Variants in GINS1 observed in about 807,000 individuals in gnomAD.
GINS1 encodes GINS complex subunit 1, also known as DNA replication complex GINS protein PSF1.
GINS1 carries 26 observed loss-of-function variants against 34.9 expected under a neutral mutation model. That is an observed-to-expected ratio of 0.74 (90% CI 0.55 to 1.03). The LOEUF is 1.03. GINS1 is among the 50% of genes least tolerant of loss of function. The pLI is 0.00. For synonymous variants in GINS1, 97 were observed against 84.4 expected, an observed-to-expected ratio of 1.15 and a Z score of -0.82; for missense variants, 235 against 237.9, an observed-to-expected ratio of 0.99 and a Z score of 0.08.
At chr20:25,439,994 CAA>C (rs34429395) in intron 5 of GINS1, among the ~76,000 whole-genome samples, 114 of 124,628 alleles carry the variant, frequency 9.1e-4, no homozygotes, top group East Asian at 2.0e-3. Context: ...GACTCTGTCT[CAA>C]AAAAAAAAAA....
At chr20:25,441,671 T>C (rs746790334) in intron 5 of GINS1, 31 bp from the exon 6 acceptor site, 10 of 1,132,770 alleles carry the variant, frequency 8.8e-6, no homozygotes, top group Admixed American at 4.3e-5. Context: ...AAAACTAATT[T>C]AGATAAAACA....
At chr20:25,421,835 C>T (rs559368589) in intron 4 of GINS1, among the ~76,000 whole-genome samples, 45 of 152,230 alleles carry the variant, frequency 3.0e-4, no homozygotes, top group Middle Eastern at 3.4e-3. Flanking sequence ...ACTTCATCTT[C>T]TCTTTGGGGT....
chr20:25,437,265 A>G (rs1000352907), intron 5 of GINS1, among the ~76,000 whole-genome samples: 1 of 152,234 alleles, frequency 6.6e-6, no homozygotes, highest in African/African-American at 2.4e-5. Flanking sequence ...AGGTGTGACA[A>G]AAATGTCTGC....
chr20:25,428,529 G>A (rs914036117), intron 5 of GINS1, among the ~76,000 whole-genome samples: 12 of 145,826 alleles, frequency 8.2e-5, no homozygotes, highest in Non-Finnish European at 1.5e-4. Context: ...TCAGCCTCCC[G>A]AGTAGCTGGG....
At chr20:25,422,808 C>T (rs552243233) in intron 4 of GINS1, among the ~76,000 whole-genome samples, 3 of 152,212 alleles carry the variant, frequency 2.0e-5, no homozygotes, top group East Asian at 1.9e-4. Context: ...GAGTTTTTTG[C>T]TCTTGTTGCC....
At chr20:25,415,849 A>T (rs1600921155) in intron 2 of GINS1, among the ~76,000 whole-genome samples, 1 of 152,288 alleles carries the variant, frequency 6.6e-6, no homozygotes, top group African/African-American at 2.4e-5. Context: ...TAAATTGAGG[A>T]ATCAGGGAAC....
intron 4 of GINS1, among the ~76,000 whole-genome samples, chr20:25,424,549 C>A (rs2090379534): frequency 6.6e-6 from 1 of 152,146 alleles, no homozygotes; most frequent in African/African-American, 2.4e-5. Context: ...AGTTGTTGTG[C>A]ATCCAATACC....
At position 25,409,049 on chromosome 20, in the gene GINS1, G is replaced by A. The variant is rs1172738085; in HGVS notation, c.75+1154G>A. On this transcript the variant is annotated intron_variant, in intron 1 of 6. Coordinates refer to ENST00000262460, the MANE Select transcript of GINS1 (RefSeq NM_021067.5). The stretch of plus-strand genomic sequence containing the variant: ...GATATATGAGCCTTTCCATCCTCAA[G>A]GATGAGGTTACTGATCTGAGAAGGA... 15 of 984,344 alleles carry A rather than the reference G, an allele frequency of 1.5e-5. No individual in the cohort carries two copies. In the African/African-American group the frequency reaches 2.3e-4, roughly 15 times the overall value. The allele number at this position is 984,344 out of a possible 1,614,324, so 61.0% of individuals were successfully genotyped here. A position where few individuals can be genotyped will look rare whatever the true frequency, so the allele number is the denominator to read the frequency against.
In GINS1 at chr20:25,447,595, T is replaced by G. The variant is rs1314083151; in HGVS notation, c.*1604T>G. The G allele has an allele frequency of 6.6e-6, 1 of 152,228 alleles. No individual in the cohort carries two copies. Among genetic ancestry groups the G allele is most frequent in the East Asian group, 1.9e-4 (1 of 5,196 alleles). The allele number at this position is 152,228 out of a possible 1,614,324, so 9.4% of individuals were successfully genotyped here. A position where few individuals can be genotyped will look rare whatever the true frequency, so the allele number is the denominator to read the frequency against. ...TTTGTATGTAGTGTATGTAATTTTC[T>G]AATAATTCTTGAAACAGATAGTATT... On this transcript the variant is annotated 3_prime_UTR_variant, in exon 7 of 7. Coordinates refer to ENST00000262460, the MANE Select transcript of GINS1 (RefSeq NM_021067.5).
chr20:25,429,557 A>G (rs1002468722), intron 5 of GINS1, among the ~76,000 whole-genome samples: 17 of 151,974 alleles, frequency 1.1e-4, no homozygotes, highest in South Asian at 4.2e-4. Context: ...TTTAATTTCT[A>G]TATATTTTAT....
chr20:25,415,239 G>A (rs2090312955), intron 2 of GINS1, among the ~76,000 whole-genome samples: 1 of 152,206 alleles, frequency 6.6e-6, no homozygotes, highest in South Asian at 2.1e-4. Context: ...GTGGACTGAG[G>A]AAGTGAACCT....
chr20:25,418,953 G>T (rs146458242), intron 4 of GINS1, among the ~76,000 whole-genome samples: 1 of 152,322 alleles, frequency 6.6e-6, no homozygotes, highest in African/African-American at 2.4e-5. Context: ...TCCCAACTCT[G>T]AGTCATCTTG....
At chr20:25,420,352 C>T (rs1477916532) in intron 4 of GINS1, among the ~76,000 whole-genome samples, 1 of 150,486 alleles carries the variant, frequency 6.6e-6, no homozygotes, top group Admixed American at 6.6e-5. Flanking sequence ...CAGGCTGGTC[C>T]TGAGCTCCTG....
intron 2 of GINS1, among the ~76,000 whole-genome samples, chr20:25,415,096 C>T (rs965616914): frequency 2.6e-5 from 4 of 152,136 alleles, no homozygotes; most frequent in Admixed American, 2.0e-4. Context: ...TGGGCTTGTT[C>T]GCTACAGTGT....
chr20:25,445,008 C>T (rs373299714), intron 6 of GINS1, among the ~76,000 whole-genome samples: 4 of 152,238 alleles, frequency 2.6e-5, no homozygotes, highest in Admixed American at 1.3e-4. Context: ...AGTGATAATC[C>T]AAATCGCACC....
intron 5 of GINS1, among the ~76,000 whole-genome samples, chr20:25,434,410 T>G (rs1321453252): frequency 6.6e-6 from 1 of 151,984 alleles, no homozygotes; most frequent in Admixed American, 6.6e-5. Flanking sequence ...ACAAAATACC[T>G]GAGACTAGGT....
At chr20:25,422,784 AT>A (rs1455051892) in intron 4 of GINS1, among the ~76,000 whole-genome samples, 2 of 151,970 alleles carry the variant, frequency 1.3e-5, no homozygotes, top group Non-Finnish European at 2.9e-5. Flanking sequence ...CTTGTTTTTT[AT>A]TTTGTTTAGA....
chr20:25,423,452 C>CTTTTTTTTTTTTTTTTTTTTTT (rs1159340467), intron 4 of GINS1, among the ~76,000 whole-genome samples: 1 of 29,990 alleles, frequency 3.3e-5, no homozygotes, highest in African/African-American at 1.2e-4. Context: ...TTTTTCTTTT[C>CTTTTTTTTTTTTTTTTTTTTTT]TTTTTTTTTT....
intron 1 of GINS1, among the ~76,000 whole-genome samples, chr20:25,412,567 A>AT (rs1034558111): frequency 5.9e-5 from 9 of 152,108 alleles, no homozygotes; most frequent in Admixed American, 3.3e-4. Context: ...AAAAAAGACC[A>AT]TTTTTTAGTA....
Sources: gnomAD v4.1 joint callset for allele counts (sites outside exome capture counted in the v4.1 genomes callset) on GRCh38, gnomAD v4.1.1 for gene constraint, MANE v1.5 for transcripts, NCBI Gene and HGNC (gene_info 2026-07-23, HGNC 2026-07-21) for gene names.